Variants in PTPRK observed in about 807,000 individuals in gnomAD.
PTPRK encodes protein tyrosine phosphatase receptor type K.
A neutral mutation model predicts 178.0 loss-of-function variants in PTPRK; 75 were observed. The observed-to-expected ratio is 0.42, with a 90% CI of 0.35 to 0.51. PTPRK has a LOEUF of 0.51. Ranked by LOEUF, PTPRK falls within the 20% of genes least tolerant of loss-of-function variation. The probability of loss-of-function intolerance (pLI) is 0.02; values close to 1 mark genes in which losing one functional copy is unlikely to be tolerated. For missense variants in PTPRK, 1,441 were observed against 1,797.8 expected (o/e 0.80, Z 3.59); for synonymous variants, 637 against 620.6 (o/e 1.03, Z -0.39).
intron 7 of PTPRK, among the ~76,000 whole-genome samples, chr6:128,158,083 G>A (rs1307010932): frequency 6.6e-6 from 1 of 151,986 alleles, no homozygotes; most frequent in Non-Finnish European, 1.5e-5. Context: ...TAACATTTAA[G>A]TCTTTAATCC....
intron 3 of PTPRK, among the ~76,000 whole-genome samples, chr6:128,282,767 A>T (rs1222111496): frequency 1.3e-5 from 2 of 152,166 alleles, no homozygotes; most frequent in African/African-American, 2.4e-5. Context: ...TTCTGTAAAG[A>T]TTAATTAGTA....
chr6:128,410,692 A>T (rs892166451), intron 1 of PTPRK, among the ~76,000 whole-genome samples: 1 of 152,210 alleles, frequency 6.6e-6, no homozygotes, highest in Non-Finnish European at 1.5e-5. Flanking sequence ...ACTCAACGGC[A>T]TTAACTGCAT....
intron 1 of PTPRK, among the ~76,000 whole-genome samples, chr6:128,462,351 T>TA (rs1222406803): frequency 1.6e-4 from 24 of 152,294 alleles, no homozygotes; most frequent in African/African-American, 5.8e-4. Context: ...ATTTTAATAC[T>TA]TATGTAATCC....
chr6:128,041,913 G>C (rs1363651249), intron 13 of PTPRK, among the ~76,000 whole-genome samples: 1 of 151,716 alleles, frequency 6.6e-6, no homozygotes, highest in Non-Finnish European at 1.5e-5. Flanking sequence ...ATACATTTGT[G>C]TGTGTGTCTG....
intron 5 of PTPRK, chr6:128,235,612 G>T: frequency 2.0e-6 from 1 of 494,370 alleles, no homozygotes; most frequent in Non-Finnish European, 4.2e-6. Context: ...AATCTTAAAT[G>T]AAAAATTTCA....
At chr6:128,494,137 C>T (rs898802974) in intron 1 of PTPRK, among the ~76,000 whole-genome samples, 1 of 149,960 alleles carries the variant, frequency 6.7e-6, no homozygotes, top group African/African-American at 2.5e-5. Flanking sequence ...TGCAATGAGC[C>T]ATGACCTCAA....
At chr6:128,132,452 G>A (rs1255755470) in intron 7 of PTPRK, among the ~76,000 whole-genome samples, 10 of 152,226 alleles carry the variant, frequency 6.6e-5, no homozygotes, top group African/African-American at 4.8e-5. Flanking sequence ...GCTTATAGGC[G>A]TAAGCCACAG....
intron 1 of PTPRK, among the ~76,000 whole-genome samples, chr6:128,444,950 C>G (rs1846743275): frequency 6.6e-6 from 1 of 151,916 alleles, no homozygotes; most frequent in South Asian, 2.1e-4. Context: ...AATTAATGTA[C>G]ATATATTCCA....
chr6:128,154,650 G>A (rs921456184), intron 7 of PTPRK, among the ~76,000 whole-genome samples: 5 of 151,030 alleles, frequency 3.3e-5, no homozygotes, highest in African/African-American at 9.7e-5. Context: ...TTAATGGCTC[G>A]CCTAAGGAAT....
At chr6:128,287,043 T>C (rs1006702820) in intron 3 of PTPRK, among the ~76,000 whole-genome samples, 2 of 152,160 alleles carry the variant, frequency 1.3e-5, no homozygotes, top group African/African-American at 4.8e-5. Flanking sequence ...TTTGAAATGA[T>C]CCCTCTGTTA....
chr6:128,071,575 C>A lies in PTPRK; in HGVS notation c.1884-3783G>T, dbSNP rs143843937. ...AAGTATCTTTCCTTGTACCAGTATC[C>A]CTCAAAATTCTCTAGTGGCATTTTA... On this transcript the variant is annotated intron_variant, in intron 11 of 29. Coordinates refer to ENST00000368226, the MANE Select transcript of PTPRK (RefSeq NM_002844.4). 1.0e-3 allele frequency among the ~76,000 whole-genome samples: 154 copies of A among 152,052 alleles called. 1 individual carries two copies. Among genetic ancestry groups the A allele is most frequent in the Non-Finnish European group, 9.4e-4 (64 of 67,926 alleles).
intron 3 of PTPRK, among the ~76,000 whole-genome samples, chr6:128,298,925 A>G (rs1825015239): frequency 6.6e-6 from 1 of 152,194 alleles, no homozygotes; most frequent in Non-Finnish European, 1.5e-5. Flanking sequence ...AGAGGAAGTC[A>G]AATTGTCCCT....
At position 127,985,806 on chromosome 6, in the gene PTPRK, A is replaced by G; in HGVS notation, c.3166T>C (p.Tyr1056His). 2 of 1,613,948 alleles carry G rather than the reference A, an allele frequency of 1.2e-6. No homozygotes were observed. Among genetic ancestry groups the G allele is most frequent in the Non-Finnish European group, 1.7e-6 (2 of 1,179,864 alleles). Residue 1056 changes from tyrosine to histidine, a missense_variant, in exon 22 of 30, where the codon TAC becomes CAC. By Grantham distance (83) the Tyr-to-His change is moderately conservative. Around this residue, in one of 4 missense-constraint regions of PTPRK, gnomAD observed 335 missense variants for 512.4 expected, o/e 0.65. Coordinates refer to ENST00000368226, the MANE Select transcript of PTPRK (RefSeq NM_002844.4). The stretch of plus-strand genomic sequence containing the variant: ...AAGGAAAGCAGCCCTGTAGCATGGT[A>G]GGGCACTCCATGGTCAGGCCAGCCC... ...FTGWPDHGVP[Y>H]HATGLLSFIR... is the part of the protein sequence containing the mutation.
intron 7 of PTPRK, among the ~76,000 whole-genome samples, chr6:128,094,908 G>T (rs1318144239): frequency 6.6e-6 from 1 of 151,982 alleles, no homozygotes; most frequent in East Asian, 1.9e-4. Flanking sequence ...GAGAGAAGAG[G>T]ATGCTCTGAG....
rs542011196 is a variant in PTPRK at position 127,968,825 on chromosome 6, A to C, written c.*1402T>G. ...CTTTATTTCATTCTTACTTTAATTA[A>C]ATCTTTATAAGCACCATGTCATGAG... On this transcript the variant is annotated 3_prime_UTR_variant, in exon 30 of 30. Coordinates refer to ENST00000368226, the MANE Select transcript of PTPRK (RefSeq NM_002844.4). The C allele has an allele frequency of 6.6e-6, 1 of 152,326 alleles. No individual in the cohort carries two copies. The highest frequency in any genetic ancestry group is 1.9e-4 in the East Asian group (1 of 5,176). The allele number at this position is 152,326 out of a possible 1,614,324, so 9.4% of individuals were successfully genotyped here. A position where few individuals can be genotyped will look rare whatever the true frequency, so the allele number is the denominator to read the frequency against.
intron 6 of PTPRK, among the ~76,000 whole-genome samples, chr6:128,195,008 T>C (rs1804611374): frequency 6.6e-6 from 1 of 152,088 alleles, no homozygotes; most frequent in African/African-American, 2.4e-5. Context: ...TATAGATGTG[T>C]GTGTGTAATA....
intron 3 of PTPRK, among the ~76,000 whole-genome samples, chr6:128,291,167 C>T (rs7741119): frequency 0.047 from 7,112 of 151,910 alleles, 557 homozygotes; most frequent in African/African-American, 0.16. Flanking sequence ...AATAAGACTC[C>T]GAAGCAATGT....
chr6:128,330,404 G>A (rs1830114245), intron 2 of PTPRK, among the ~76,000 whole-genome samples: 1 of 151,794 alleles, frequency 6.6e-6, no homozygotes, highest in Non-Finnish European at 1.5e-5. Flanking sequence ...TGATTAAGTG[G>A]CAACAAATAT....
chr6:128,500,544 G>A (rs1214346256), intron 1 of PTPRK: 2 of 152,128 alleles, frequency 1.3e-5, no homozygotes, highest in African/African-American at 4.8e-5. Flanking sequence ...TGAGTTTAAC[G>A]TCTACTGATC....
Sources: gnomAD v4.1 joint callset for allele counts (sites outside exome capture counted in the v4.1 genomes callset) on GRCh38, gnomAD v4.1.1 for gene constraint, gnomAD v4.1.1 regional missense constraint, MANE v1.5 for transcripts, NCBI Gene and HGNC (gene_info 2026-07-23, HGNC 2026-07-21) for gene names.